SAMMSON: variants seen among roughly 807,000 people sequenced by gnomAD.
The protein encoded by SAMMSON is survival associated mitochondrial melanoma specific oncogenic non-coding RNA.
At chr3:70,280,863 T>C (rs75731255) in intron 6 of SAMMSON, among the ~76,000 whole-genome samples, 3,811 of 152,228 alleles carry the variant, frequency 0.025, 156 homozygotes, top group African/African-American at 0.085. Flanking sequence ...GAAGGGACGC[T>C]GCACAGAAAG....
chr3:70,071,807 G>T (rs1446607082), intron 4 of SAMMSON: 2 of 151,922 alleles, frequency 1.3e-5, no homozygotes, highest in African/African-American at 4.8e-5. Context: ...CCAATAGCTT[G>T]AAGGGTAGCT....
chr3:70,113,358 T>G (rs2067397444), intron 4 of SAMMSON, among the ~76,000 whole-genome samples: 1 of 152,124 alleles, frequency 6.6e-6, no homozygotes, highest in Non-Finnish European at 1.5e-5. Context: ...AAAGCCAGAG[T>G]AAATAATGGG....
intron 4 of SAMMSON, among the ~76,000 whole-genome samples, chr3:70,155,809 G>T (rs184811480): frequency 3.7e-4 from 57 of 152,022 alleles, no homozygotes. Context: ...TAGGGTGGAG[G>T]GCAGAAGAGA....
chr3:70,207,588 A>G (rs73116290), intron 4 of SAMMSON, among the ~76,000 whole-genome samples: 31,667 of 151,968 alleles, frequency 0.21, 3,801 homozygotes, highest in Non-Finnish European at 0.28. Context: ...CACATCCCCA[A>G]TACAACAAAT....
At chr3:70,373,925 T>C (rs1353782934) in intron 9 of SAMMSON, among the ~76,000 whole-genome samples, 4 of 152,106 alleles carry the variant, frequency 2.6e-5, no homozygotes, top group African/African-American at 9.7e-5. Context: ...TTATTATTAT[T>C]ATTATTGAGA....
rs372696474 is a variant in SAMMSON at position 70,261,885 on chromosome 3, A to C, written n.674+12215A>C. On this transcript the variant is annotated intron_variant and non_coding_transcript_variant, in intron 6 of 9. Transcript: ENST00000642114. The stretch of plus-strand genomic sequence containing the variant: ...AACAAGGGGTTTGTTATCCAAGAAG[A>C]TCCGGGGCTGAAATCCACTGTTTCA... Among the ~76,000 whole-genome samples the C allele has an allele frequency of 1.1e-4, 17 of 152,224 alleles. No individual in the cohort carries two copies. The East Asian group carries it at 3.1e-3, about 28-fold the overall frequency.
chr3:70,031,913 C>A (rs1360726224), intron 3 of SAMMSON, among the ~76,000 whole-genome samples: 1 of 152,064 alleles, frequency 6.6e-6, no homozygotes, highest in African/African-American at 2.4e-5. Context: ...GAATGGAACA[C>A]CTAAAATTAT....
At chr3:70,188,238 T>C (rs1042158383) in intron 4 of SAMMSON, among the ~76,000 whole-genome samples, 1 of 152,212 alleles carries the variant, frequency 6.6e-6, no homozygotes, top group Non-Finnish European at 1.5e-5. Flanking sequence ...AAATATCTAC[T>C]CTGCCATTGT....
chr3:70,124,019 G>C (rs940009224), intron 4 of SAMMSON, among the ~76,000 whole-genome samples: 2 of 152,218 alleles, frequency 1.3e-5, no homozygotes, highest in Non-Finnish European at 2.9e-5. Context: ...CCGGAAGACA[G>C]ATTCTAGGTC....
intron 3 of SAMMSON, among the ~76,000 whole-genome samples, chr3:70,058,524 A>T (rs753525971): frequency 6.6e-6 from 1 of 152,092 alleles, no homozygotes; most frequent in Non-Finnish European, 1.5e-5. Context: ...ACCCAGTTCT[A>T]GTCTCAGTCC....
chr3:70,178,714 A>C (rs576187620), intron 4 of SAMMSON, among the ~76,000 whole-genome samples: 1 of 152,322 alleles, frequency 6.6e-6, no homozygotes, highest in Non-Finnish European at 1.5e-5. Context: ...ATGGAGCAAT[A>C]ATAAGAACTT....
chr3:70,344,716 C>T lies in SAMMSON; in HGVS notation n.740-9459C>T, dbSNP rs1340222581. ...CACACTCCCTGGTTCCTGCACCTGC[C>T]CATCTGATTGCTCCCCCTCCTGTAA... On this transcript the variant is annotated intron_variant and non_coding_transcript_variant, in intron 7 of 9. Coordinates refer to ENST00000642114, the Ensembl canonical transcript of SAMMSON. Among the ~76,000 whole-genome samples, 4 of 152,156 alleles carry T rather than the reference C, an allele frequency of 2.6e-5. No individual in the cohort carries two copies. The East Asian group carries it at 7.7e-4, about 29-fold the overall frequency.
intron 7 of SAMMSON, among the ~76,000 whole-genome samples, chr3:70,303,299 G>A (rs1347686148): frequency 2.0e-5 from 3 of 152,096 alleles, no homozygotes; most frequent in Non-Finnish European, 4.4e-5. Flanking sequence ...GCATTATGGT[G>A]CTGGCAGTCA....
At chr3:70,089,117 C>T (rs1246681620) in intron 4 of SAMMSON, among the ~76,000 whole-genome samples, 3 of 152,110 alleles carry the variant, frequency 2.0e-5, no homozygotes, top group Non-Finnish European at 1.5e-5. Context: ...AAAAAACAAA[C>T]TGCTTGTTAT....
At chr3:70,057,618 G>T (rs943372905) in intron 3 of SAMMSON, among the ~76,000 whole-genome samples, 11 of 151,804 alleles carry the variant, frequency 7.2e-5, no homozygotes, top group African/African-American at 2.7e-4. Flanking sequence ...TCGTATAAAT[G>T]CCAAGCTATA....
At chr3:70,191,876 C>T (rs1377477989) in intron 4 of SAMMSON, among the ~76,000 whole-genome samples, 5 of 126,974 alleles carry the variant, frequency 3.9e-5, no homozygotes, top group Non-Finnish European at 6.7e-5. Context: ...CTCTTTAAGA[C>T]TCTTTCCCTA....
At chr3:70,344,621 C>T (rs541552220) in intron 7 of SAMMSON, among the ~76,000 whole-genome samples, 2 of 152,242 alleles carry the variant, frequency 1.3e-5, no homozygotes, top group African/African-American at 4.8e-5. Flanking sequence ...CACTCTAACA[C>T]GTGCCCATGT....
intron 4 of SAMMSON, among the ~76,000 whole-genome samples, chr3:70,246,163 A>G (rs979988050): frequency 6.6e-6 from 1 of 152,076 alleles, no homozygotes; most frequent in Non-Finnish European, 1.5e-5. Flanking sequence ...ATTTAAAAGC[A>G]TAAAGTATTG....
At chr3:70,090,235 A>C (rs1415650111) in intron 4 of SAMMSON, among the ~76,000 whole-genome samples, 3 of 152,182 alleles carry the variant, frequency 2.0e-5, no homozygotes, top group Non-Finnish European at 4.4e-5. Context: ...AATTACTGGT[A>C]ATAAATTATT....
Sources: allele counts gnomAD v4.1 joint callset (sites outside exome capture counted in the v4.1 genomes callset), GRCh38; gene constraint gnomAD v4.1.1; transcripts MANE v1.5; gene names NCBI Gene and HGNC (gene_info 2026-07-23, HGNC 2026-07-21).